HMBOX1: variants seen among roughly 807,000 people sequenced by gnomAD.
The protein encoded by HMBOX1 is homeobox containing 1.
A neutral mutation model predicts 54.5 loss-of-function variants in HMBOX1; 14 were observed. That is an observed-to-expected ratio of 0.26 (90% CI 0.17 to 0.40). The LOEUF (loss-of-function observed/expected upper bound fraction) is 0.40. Among genes scored for constraint, HMBOX1 ranks in the 10% least tolerant of loss-of-function variants. The pLI, the probability that HMBOX1 is intolerant of heterozygous loss-of-function variation, is 1.00. For synonymous variants in HMBOX1, 160 were observed against 181.0 expected (o/e 0.88, Z 0.93); for missense variants, 332 against 514.4 (o/e 0.65, Z 3.43).
intron 4 of HMBOX1, among the ~76,000 whole-genome samples, chr8:28,997,923 A>G (rs1832104917): frequency 6.6e-6 from 1 of 152,182 alleles, no homozygotes; most frequent in Non-Finnish European, 1.5e-5. Flanking sequence ...GAATTGAGTC[A>G]GAAGTGTTTT....
At chr8:29,010,899 AG>A (rs1834143185) in intron 5 of HMBOX1, among the ~76,000 whole-genome samples, 1 of 152,172 alleles carries the variant, frequency 6.6e-6, no homozygotes, top group African/African-American at 2.4e-5. Flanking sequence ...GTAATTTGAC[AG>A]AATGTCCCAC....
intron 1 of HMBOX1, among the ~76,000 whole-genome samples, chr8:28,939,437 A>G (rs1820961795): frequency 6.6e-6 from 1 of 152,146 alleles, no homozygotes; most frequent in Non-Finnish European, 1.5e-5. Flanking sequence ...AACATCTTTG[A>G]TGCTCTGAAA....
At chr8:28,986,521 T>G (rs1317090361) in intron 4 of HMBOX1, among the ~76,000 whole-genome samples, 1 of 152,222 alleles carries the variant, frequency 6.6e-6, no homozygotes, top group Non-Finnish European at 1.5e-5. Flanking sequence ...TTTACCAGTT[T>G]TATGTGGATC....
chr8:28,936,863 C>G (rs1304005031), intron 1 of HMBOX1, among the ~76,000 whole-genome samples: 3 of 146,828 alleles, frequency 2.0e-5, no homozygotes, highest in Non-Finnish European at 4.5e-5. Context: ...GTTTTGGGGG[C>G]AAGAAAGATT....
intron 1 of HMBOX1, among the ~76,000 whole-genome samples, chr8:28,925,960 A>T (rs1818371758): frequency 6.6e-6 from 1 of 152,100 alleles, no homozygotes; most frequent in South Asian, 2.1e-4. Context: ...CAAAGCATAA[A>T]CACTTCATCA....
chr8:28,940,763 A>G (rs867345318), intron 1 of HMBOX1, among the ~76,000 whole-genome samples: 7 of 152,166 alleles, frequency 4.6e-5, no homozygotes, highest in South Asian at 2.1e-4. Flanking sequence ...ACTGAATGAA[A>G]CCTGCCCTAC....
At chr8:28,946,238 C>T (rs2132072637) in intron 1 of HMBOX1, among the ~76,000 whole-genome samples, 1 of 151,908 alleles carries the variant, frequency 6.6e-6, no homozygotes, top group East Asian at 2.0e-4. Context: ...CAGGTGTGAG[C>T]CACCGTGCCC....
chr8:29,048,947 T>C lies in HMBOX1; in HGVS notation c.1031-7T>C. 6.3e-7 allele frequency: 1 copy of C among 1,591,058 alleles called. No individual in the cohort carries two copies. Among genetic ancestry groups the C allele is most frequent in the Non-Finnish European group, 8.6e-7 (1 of 1,164,558 alleles). On this transcript the variant is annotated splice_polypyrimidine_tract_variant and splice_region_variant and intron_variant, in intron 8 of 9. Coordinates refer to ENST00000287701, the MANE Select transcript of HMBOX1 (RefSeq NM_001135726.3). ...ATAATTTAGGGATCTATTTGCTTTT[T>C]TCGAAGAAGCAGCAATCCTGGAGAG...
rs557668920 is a variant in HMBOX1, at chr8:29,051,546, C to G, written c.*391C>G. Reference sequence around the variant, plus strand: ...CACTAGTCTGTACTCCCTTTTCCTTCCCCAAGACTGATAGGATGCAAGCTG... The same window carrying G: ...CACTAGTCTGTACTCCCTTTTCCTTGCCCAAGACTGATAGGATGCAAGCTG... On this transcript the variant is annotated 3_prime_UTR_variant, in exon 10 of 10. Transcript: ENST00000287701. The G allele has an allele frequency of 1.4e-6, 1 of 702,974 alleles. No individual in the cohort carries two copies. The highest frequency in any genetic ancestry group is 2.0e-5 in the Admixed American group (1 of 50,018). The allele number at this position is 702,974 out of a possible 1,614,324, so 43.5% of individuals were successfully genotyped here. A position where few individuals can be genotyped will look rare whatever the true frequency, so the allele number is the denominator to read the frequency against.
intron 5 of HMBOX1, among the ~76,000 whole-genome samples, chr8:29,013,887 T>C (rs1248777140): frequency 1.3e-5 from 2 of 152,214 alleles, no homozygotes; most frequent in Non-Finnish European, 2.9e-5. Context: ...ATATTCTGCA[T>C]GCTTCTAAAC....
At chr8:29,008,892 A>G (rs184088463) in intron 4 of HMBOX1, among the ~76,000 whole-genome samples, 180 bp from the exon 5 acceptor site, 2 of 152,364 alleles carry the variant, frequency 1.3e-5, no homozygotes, top group Non-Finnish European at 2.9e-5. Flanking sequence ...ATTTCTGAGT[A>G]TATCCTAGCC....
At chr8:28,997,297 G>A (rs181158762) in intron 4 of HMBOX1, among the ~76,000 whole-genome samples, 1 of 152,150 alleles carries the variant, frequency 6.6e-6, no homozygotes, top group Non-Finnish European at 1.5e-5. Flanking sequence ...AGTTTTTTGA[G>A]TATTTTATAT....
chr8:28,950,260 C>A (rs1365407641), intron 1 of HMBOX1, among the ~76,000 whole-genome samples: 2 of 152,162 alleles, frequency 1.3e-5, no homozygotes, highest in African/African-American at 4.8e-5. Flanking sequence ...TGGACCCCCA[C>A]CTCTAGTTTA....
In HMBOX1 at chr8:29,037,653, T is replaced by C. The variant is rs556043708; in HGVS notation, c.852-7708T>C. 2.6e-5 allele frequency among the ~76,000 whole-genome samples: 4 copies of C among 152,350 alleles called. No individual in the cohort carries two copies. In the South Asian group the frequency reaches 8.3e-4, roughly 32 times the overall value. On this transcript the variant is annotated intron_variant, in intron 6 of 9. Transcript: ENST00000287701. ...GTTTTATACTTTCTCACTTATATGA[T>C]CTTTGAAAACATGATTTTCATTGAC... is the stretch of plus-strand genomic sequence containing the variant.
intron 4 of HMBOX1, among the ~76,000 whole-genome samples, chr8:28,993,398 AT>A (rs1478923120): frequency 6.6e-6 from 1 of 152,192 alleles, no homozygotes; most frequent in Admixed American, 6.5e-5. Context: ...GTCTAGAATG[AT>A]GACAGTACAA....
chr8:29,033,246 A>G (rs191478701), intron 6 of HMBOX1, among the ~76,000 whole-genome samples: 370 of 152,230 alleles, frequency 2.4e-3, no homozygotes, highest in South Asian at 5.6e-3. Context: ...ATACACTATA[A>G]ATTTTGGGAT....
At chr8:28,992,484 G>C (rs958004277) in intron 4 of HMBOX1, among the ~76,000 whole-genome samples, 1 of 152,064 alleles carries the variant, frequency 6.6e-6, no homozygotes, top group African/African-American at 2.4e-5. Context: ...ATAGCTTTGG[G>C]CCACTTGATA....
intron 1 of HMBOX1, among the ~76,000 whole-genome samples, chr8:28,922,243 A>G (rs533870520): frequency 1.3e-5 from 2 of 152,242 alleles, no homozygotes; most frequent in Non-Finnish European, 2.9e-5. Context: ...TAGATAGTAT[A>G]AGTAATCTAG....
intron 6 of HMBOX1, among the ~76,000 whole-genome samples, chr8:29,042,079 T>C (rs1374677135): frequency 6.6e-6 from 1 of 152,158 alleles, no homozygotes; most frequent in African/African-American, 2.4e-5. Flanking sequence ...CACACCTTAG[T>C]TGACGTACCA....
Sources: allele counts gnomAD v4.1 joint callset (sites outside exome capture counted in the v4.1 genomes callset), GRCh38; gene constraint gnomAD v4.1.1; transcripts MANE v1.5; gene names NCBI Gene and HGNC (gene_info 2026-07-23, HGNC 2026-07-21).